Variants in ATP6V1C2 observed in about 807,000 individuals in gnomAD.
ATP6V1C2 encodes V-type proton ATPase subunit C 2.
Under a neutral mutation model 56.8 loss-of-function variants are expected in ATP6V1C2, and 45 were observed. The ratio of observed to expected loss-of-function variants is 0.79; its 90% CI spans 0.62 to 1.02. ATP6V1C2 has a LOEUF of 1.02. Ranked by LOEUF, ATP6V1C2 falls within the 50% of genes least tolerant of loss-of-function variation. The pLI, the probability that ATP6V1C2 is intolerant of heterozygous loss-of-function variation, is 0.00. For synonymous variants in ATP6V1C2, 220 were observed against 201.3 expected, an observed-to-expected ratio of 1.09 and a Z score of -0.79; for missense variants, 463 against 519.7, an observed-to-expected ratio of 0.89 and a Z score of 1.06.
chr2:10,759,254 C>T (rs1663748627), intron 4 of ATP6V1C2, among the ~76,000 whole-genome samples: 1 of 152,196 alleles, frequency 6.6e-6, no homozygotes, highest in Admixed American at 6.5e-5. Flanking sequence ...TCTGCTTGTT[C>T]CTTGCCTCCA....
At chr2:10,772,743 T>C (rs763791013) in intron 8 of ATP6V1C2, 133 bp downstream of exon 8, 2 of 786,952 alleles carry the variant, frequency 2.5e-6, no homozygotes, top group Non-Finnish European at 4.4e-6. Flanking sequence ...CTCCTGTCCC[T>C]TGGCCTGGAA....
At chr2:10,746,652 C>T (rs748933769) in intron 3 of ATP6V1C2, among the ~76,000 whole-genome samples, 13 of 152,232 alleles carry the variant, frequency 8.5e-5, no homozygotes, top group Middle Eastern at 3.4e-3. Context: ...CCTCATGATC[C>T]ACCCGCCTCG....
intron 8 of ATP6V1C2, among the ~76,000 whole-genome samples, chr2:10,773,117 G>A (rs1429254413): frequency 6.6e-6 from 1 of 152,208 alleles, no homozygotes; most frequent in East Asian, 1.9e-4. Flanking sequence ...CTGCATGGCG[G>A]GGGAACCAAG....
chr2:10,773,523 T>C (rs1664764321), intron 8 of ATP6V1C2, among the ~76,000 whole-genome samples: 1 of 152,162 alleles, frequency 6.6e-6, no homozygotes, highest in Non-Finnish European at 1.5e-5. Flanking sequence ...GCTGGGATTA[T>C]AGGCGTGCAC....
At chr2:10,778,808 C>T (rs1013537452) in intron 12 of ATP6V1C2, 139 bp downstream of exon 12, 13 of 768,948 alleles carry the variant, frequency 1.7e-5, no homozygotes, top group Non-Finnish European at 2.8e-5. Context: ...TGGCAACACG[C>T]TCAATTCCGA....
At chr2:10,731,646 GGA>G (rs1661957718) in intron 3 of ATP6V1C2, among the ~76,000 whole-genome samples, 1 of 152,192 alleles carries the variant, frequency 6.6e-6, no homozygotes, top group Admixed American at 6.5e-5. Context: ...AACCGCAGAA[GGA>G]GACTGGTCTC....
chr2:10,778,353 T>C (rs1665132085), intron 11 of ATP6V1C2: 1 of 565,420 alleles, frequency 1.8e-6, no homozygotes, highest in East Asian at 3.0e-5. Flanking sequence ...GCCCCGTGCA[T>C]GCACCGGGTG....
At chr2:10,772,467 G>A (rs927937194) in intron 7 of ATP6V1C2, 75 bp from the exon 8 acceptor site, 54 of 1,273,480 alleles carry the variant, frequency 4.2e-5, no homozygotes, top group Non-Finnish European at 5.9e-5. Context: ...AAAGGGGTGT[G>A]CAGCTTCCTA....
At chr2:10,770,943 G>T (rs183591802) in intron 6 of ATP6V1C2, among the ~76,000 whole-genome samples, 1 of 152,208 alleles carries the variant, frequency 6.6e-6, no homozygotes, top group Admixed American at 6.5e-5. Context: ...AGTTGGCTTC[G>T]TGTTGGGGAT....
In ATP6V1C2 at chr2:10,784,957, G is replaced by C; in HGVS notation, c.*1694G>C. The C allele has an allele frequency of 6.3e-7, 1 of 1,589,774 alleles. No homozygotes were observed. The highest frequency in any genetic ancestry group is 8.6e-7 in the Non-Finnish European group (1 of 1,166,722). On this transcript the variant is annotated 3_prime_UTR_variant, in exon 14 of 14. Coordinates refer to ENST00000272238, the MANE Select transcript of ATP6V1C2 (RefSeq NM_001039362.2). Reference sequence around the variant, plus strand: ...ACCTCGCCATCCCTGCCGTCCCAAGGCTCTCTCTCAACGATGGTAGGGAAA... The same window carrying C: ...ACCTCGCCATCCCTGCCGTCCCAAGCCTCTCTCTCAACGATGGTAGGGAAA...
rs1471376903 is a variant in ATP6V1C2 at position 10,783,215 on chromosome 2, C to A, written c.1236C>A (p.Asp412Glu). 9 of 1,613,864 alleles carry A rather than the reference C, an allele frequency of 5.6e-6. No individual in the cohort carries two copies. Among genetic ancestry groups the A allele is most frequent in the Non-Finnish European group, 6.8e-6 (8 of 1,179,864 alleles). The change falls in exon 14 of 14, where the codon GAC (aspartate) becomes GAA (glutamate). Residue 412 changes from aspartate (D) to glutamate (E), a missense_variant. Coordinates refer to ENST00000272238, the MANE Select transcript of ATP6V1C2 (RefSeq NM_001039362.2). ...CGGGACTGCAACTCAATAACCAAGA[C>A]TATTTTCCTTATGTCTACTTCCATA... ...EIPGLQLNNQ[D>E]YFPYVYFHID...
chr2:10,775,028 G>A lies in ATP6V1C2; in HGVS notation c.782G>A (p.Arg261Lys), dbSNP rs1664871613. The A allele has an allele frequency of 6.2e-7, 1 of 1,614,112 alleles. No homozygotes were observed. The highest frequency in any genetic ancestry group is 8.5e-7 in the Non-Finnish European group (1 of 1,180,022). The change falls in exon 10 of 14, where the codon AGG (arginine) becomes AAG (lysine). Residue 261 changes from arginine to lysine, a missense_variant. Transcript: ENST00000272238. Reference protein sequence around the residue: ...YYDEKEIEREREEMARLLSDK... With the variant: ...YYDEKEIEREKEEMARLLSDK... ...GATGAGAAGGAAATTGAAAGGGAAA[G>A]GGAGGAGATGGCCAGATTGCTGTCT...
intron 5 of ATP6V1C2, chr2:10,768,313 G>A (rs1338539101): frequency 1.0e-5 from 2 of 194,134 alleles, no homozygotes; most frequent in Non-Finnish European, 2.1e-5. Flanking sequence ...CAACCCATGA[G>A]AGGGAGATCG....
Position 10,785,080 on chromosome 2 carries a change from G to A in ATP6V1C2, c.*1817G>A. ...ACACACACATTTACAATGGACTGCT[G>A]GTGCAGAAGAATAAACAACTTTAAA... On this transcript the variant is annotated 3_prime_UTR_variant, in exon 14 of 14. Transcript: ENST00000272238. 2 of 1,236,040 alleles carry A rather than the reference G, an allele frequency of 1.6e-6. No homozygotes were observed. Among genetic ancestry groups the A allele is most frequent in the Non-Finnish European group, 2.3e-6 (2 of 860,440 alleles). The allele number at this position is 1,236,040 out of a possible 1,614,324, so 76.6% of individuals were successfully genotyped here. A position where few individuals can be genotyped will look rare whatever the true frequency, so the allele number is the denominator to read the frequency against.
intron 3 of ATP6V1C2, among the ~76,000 whole-genome samples, chr2:10,727,584 A>G (rs575617399): frequency 1.1e-4 from 16 of 151,884 alleles, no homozygotes; most frequent in African/African-American, 2.7e-4. Context: ...CCAAAGTACA[A>G]AAAGGATATA....
chr2:10,727,011 A>G (rs536553985), intron 3 of ATP6V1C2, among the ~76,000 whole-genome samples: 1 of 151,828 alleles, frequency 6.6e-6, no homozygotes, highest in East Asian at 1.9e-4. Flanking sequence ...CAGGAGTTCA[A>G]CACCAGCCTG....
intron 6 of ATP6V1C2, among the ~76,000 whole-genome samples, chr2:10,770,491 C>T (rs1477676552): frequency 1.3e-5 from 2 of 152,228 alleles, no homozygotes; most frequent in Non-Finnish European, 2.9e-5. Context: ...GAGGATGGGA[C>T]AGGGGCCGGG....
rs1442105412 is a variant in ATP6V1C2, at chr2:10,722,948, T to C, written c.99T>C (p.Tyr33=). Reference sequence around the variant, plus strand: ...TAACCTCCAAGTCCAACCTGTCTTATAATACCAAATTCGCTATTCCTGACT... The same window carrying C: ...TAACCTCCAAGTCCAACCTGTCTTACAATACCAAATTCGCTATTCCTGACT... ...NTVTSKSNLS[Y]NTKFAIPDFK... is the part of the protein sequence containing the mutation. The change falls in exon 2 of 14, where the codon TAT becomes TAC. Residue 33 remains tyrosine, a synonymous_variant. Coordinates refer to ENST00000272238, the MANE Select transcript of ATP6V1C2 (RefSeq NM_001039362.2). 1 of 1,614,010 alleles carries C rather than the reference T, an allele frequency of 6.2e-7. No homozygotes were observed. Among genetic ancestry groups the C allele is most frequent in the East Asian group, 2.2e-5 (1 of 44,890 alleles).
intron 11 of ATP6V1C2, among the ~76,000 whole-genome samples, chr2:10,778,325 G>A (rs1015681413): frequency 2.6e-5 from 4 of 152,200 alleles, no homozygotes; most frequent in Non-Finnish European, 4.4e-5. Context: ...CCAGCTCCCC[G>A]CGCTGCGGTC....
Sources: allele counts gnomAD v4.1 joint callset (sites outside exome capture counted in the v4.1 genomes callset), GRCh38; gene constraint gnomAD v4.1.1; transcripts MANE v1.5; gene names NCBI Gene and HGNC (gene_info 2026-07-23, HGNC 2026-07-21).